Variants in EMILIN2 observed in about 807,000 individuals in gnomAD.
EMILIN2 encodes the protein elastin microfibril interfacer 2.
EMILIN2 carries 71 observed loss-of-function variants against 87.1 expected under a neutral mutation model. The ratio of observed to expected loss-of-function variants is 0.82; its 90% CI spans 0.67 to 0.99. The LOEUF is 0.99. EMILIN2 is among the 50% of genes least tolerant of loss of function. EMILIN2 has a pLI of 0.00. For synonymous variants in EMILIN2, 581 were observed against 563.4 expected, an observed-to-expected ratio of 1.03 and a Z score of -0.44; for missense variants, 1,407 against 1,371.8, an observed-to-expected ratio of 1.03 and a Z score of -0.40.
Position 2,851,149 on chromosome 18 carries a change from A to C in EMILIN2, c.257+3218A>C, listed in dbSNP as rs79067076. 6.8e-4 allele frequency among the ~76,000 whole-genome samples: 103 copies of C among 151,086 alleles called. 3 individuals are homozygous for C. The East Asian group carries it at 0.019, about 29-fold the overall frequency. The stretch of plus-strand genomic sequence containing the variant: ...AGCAGGTAAAGAATTACTTAGAGAG[A>C]GATCGGGGCCAGGCAGGATGGCTCT... On this transcript the variant is annotated intron_variant, in intron 2 of 7. Coordinates refer to ENST00000254528, the MANE Select transcript of EMILIN2 (RefSeq NM_032048.3).
chr18:2,906,892 GC>G lies in EMILIN2; in HGVS notation c.2472del (p.Val825SerfsTer71). The G allele has an allele frequency of 7.2e-7, 1 of 1,388,310 alleles. No homozygotes were observed. Among genetic ancestry groups the G allele is most frequent in the Non-Finnish European group, 9.4e-7 (1 of 1,069,130 alleles). 86.0% of individuals were successfully genotyped at this position (1,388,310 alleles called of 1,614,324 possible). A position where few individuals can be genotyped will look rare whatever the true frequency, so the allele number is the denominator to read the frequency against. On this transcript the variant is annotated frameshift_variant, in exon 5 of 8. Coordinates refer to ENST00000254528, the MANE Select transcript of EMILIN2 (RefSeq NM_032048.3). LOFTEE classifies it high-confidence loss of function. Reference sequence around the variant, plus strand: ...CAACCGCAGAGGACCCTGGGCGACGGCCCGTCCTGCCCCAGCGGCCCCCCGA... The same window carrying G: ...CAACCGCAGAGGACCCTGGGCGACGGCCGTCCTGCCCCAGCGGCCCCCCGA... ...PATAEDPGRR[P>X]VLPQRPPEER...
intron 2 of EMILIN2, among the ~76,000 whole-genome samples, chr18:2,874,552 T>A (rs2076738081): frequency 6.6e-6 from 1 of 152,278 alleles, no homozygotes; most frequent in South Asian, 2.1e-4. Context: ...CTCTGGCACT[T>A]TTTTCCAGAA....
chr18:2,862,800 C>T (rs2076667722), intron 2 of EMILIN2, among the ~76,000 whole-genome samples: 1 of 152,158 alleles, frequency 6.6e-6, no homozygotes. Context: ...GGAATGGTAC[C>T]AGCTCCTCCT....
intron 2 of EMILIN2, among the ~76,000 whole-genome samples, chr18:2,861,096 CT>C (rs2076658912): frequency 6.6e-6 from 1 of 150,792 alleles, no homozygotes; most frequent in South Asian, 2.1e-4. Flanking sequence ...TGTTTTTTTT[CT>C]TGTAAATTTG....
At chr18:2,884,160 G>T (rs1391978781) in intron 2 of EMILIN2, among the ~76,000 whole-genome samples, 2 of 152,174 alleles carry the variant, frequency 1.3e-5, no homozygotes, top group Non-Finnish European at 2.9e-5. Flanking sequence ...GTTTCACCGT[G>T]TTAGCCAGGA....
chr18:2,892,462 C>T lies in EMILIN2; in HGVS notation c.2335C>T (p.Leu779=). ...CCAGATTTCTACTGATTTGCAAGAT[C>T]TGGTCAAATTTCAGCCATCAGCAAG... ...VFQISTDLQD[L]VKFQPSAKAP... Residue 779 remains leucine (L), a synonymous_variant, in exon 4 of 8, where the codon CTG becomes TTG. Coordinates refer to ENST00000254528, the MANE Select transcript of EMILIN2 (RefSeq NM_032048.3). The T allele has an allele frequency of 3.8e-6, 6 of 1,599,348 alleles. No individual in the cohort carries two copies. Among genetic ancestry groups the T allele is most frequent in the Non-Finnish European group, 5.1e-6 (6 of 1,169,688 alleles).
chr18:2,913,061 C>T lies in EMILIN2; in HGVS notation c.2825-6C>T. 4 of 1,607,100 alleles carry T rather than the reference C, an allele frequency of 2.5e-6. No homozygotes were observed. The highest frequency in any genetic ancestry group is 3.4e-6 in the Non-Finnish European group (4 of 1,179,908). On this transcript the variant is annotated splice_polypyrimidine_tract_variant and splice_region_variant and intron_variant, in intron 7 of 7. Coordinates refer to ENST00000254528, the MANE Select transcript of EMILIN2 (RefSeq NM_032048.3). ...GTGAGCACAGGGTTTGCCTTTCTCC[C>T]CGCAGGGGTCTTCACGGCTCCTTAT...
At chr18:2,877,583 C>T (rs1349683795) in intron 2 of EMILIN2, among the ~76,000 whole-genome samples, 1 of 151,868 alleles carries the variant, frequency 6.6e-6, no homozygotes, top group East Asian at 1.9e-4. Context: ...TTGAGACCAG[C>T]CTGACCAACA....
intron 3 of EMILIN2, among the ~76,000 whole-genome samples, chr18:2,889,838 T>C (rs1026711945): frequency 4.6e-5 from 7 of 152,260 alleles, no homozygotes; most frequent in Non-Finnish European, 7.4e-5. Context: ...GCTTTCAATA[T>C]TTGCATTCTT....
At chr18:2,909,350 C>A (rs917671861) in intron 6 of EMILIN2, among the ~76,000 whole-genome samples, 1 of 152,232 alleles carries the variant, frequency 6.6e-6, no homozygotes, top group Non-Finnish European at 1.5e-5. Flanking sequence ...TGATGATGCA[C>A]CCACTGCCTG....
At position 2,891,251 on chromosome 18, in the gene EMILIN2, G is replaced by A; in HGVS notation, c.1124G>A (p.Ser375Asn). ...VIELIGEKET[S>N]LRKEINNLRA... ...GAGCTCATAGGGGAGAAGGAAACAA[G>A]CCTGAGAAAAGAAATAAATAACCTC... Residue 375 changes from serine to asparagine, a missense_variant, in exon 4 of 8, where the codon AGC (serine) becomes AAC (asparagine). Ser to Asn is a conservative substitution (Grantham distance 46). Coordinates refer to ENST00000254528, the MANE Select transcript of EMILIN2 (RefSeq NM_032048.3). The surrounding 1 kb of genome is among the most constrained non-coding windows in gnomAD (Gnocchi z 4.6). The A allele has an allele frequency of 6.2e-7, 1 of 1,614,184 alleles. No homozygotes were observed. The highest frequency in any genetic ancestry group is 8.5e-7 in the Non-Finnish European group (1 of 1,180,048).
intron 4 of EMILIN2, among the ~76,000 whole-genome samples, chr18:2,899,210 A>C (rs755849012): frequency 1.9e-4 from 29 of 152,182 alleles, no homozygotes; most frequent in Non-Finnish European, 3.4e-4. Context: ...CTAGTCCTGG[A>C]AATTGAAGGC....
intron 4 of EMILIN2, among the ~76,000 whole-genome samples, chr18:2,906,031 C>T (rs2076910164): frequency 6.6e-6 from 1 of 152,168 alleles, no homozygotes; most frequent in Non-Finnish European, 1.5e-5. Flanking sequence ...GAACTCTGGG[C>T]ATCGTGGGCA....
chr18:2,852,126 T>C lies in EMILIN2; in HGVS notation c.257+4195T>C, dbSNP rs563485150. Among the ~76,000 whole-genome samples, 10 of 152,370 alleles carry C rather than the reference T, an allele frequency of 6.6e-5. No homozygotes were observed. The South Asian group carries it at 1.4e-3, about 22-fold the overall frequency. ...TCTTTCATAAAAGGCAATTCTCATA[T>C]AGAAGTGTTGAGAATGCATTTCTGT... On this transcript the variant is annotated intron_variant, in intron 2 of 7. Transcript: ENST00000254528.
chr18:2,858,605 G>GTGTGTATA (rs1555665480), intron 2 of EMILIN2, among the ~76,000 whole-genome samples: 2 of 86,200 alleles, frequency 2.3e-5, no homozygotes, highest in African/African-American at 1.5e-4. Context: ...ATATATATGT[G>GTGTGTATA]TATATATATA....
intron 2 of EMILIN2, among the ~76,000 whole-genome samples, chr18:2,858,554 T>C (rs2076640962): frequency 1.4e-5 from 1 of 73,988 alleles, no homozygotes; most frequent in African/African-American, 1.0e-4. Context: ...TATATATATA[T>C]ATATATATAT....
intron 5 of EMILIN2, 35 bp downstream of exon 5, chr18:2,907,120 G>T (rs2076918232): frequency 2.4e-6 from 3 of 1,230,602 alleles, no homozygotes; most frequent in East Asian, 6.4e-5. Flanking sequence ...GGAGCGCGGG[G>T]CTCTCCCGGA....
At chr18:2,859,482 T>G (rs2076650006) in intron 2 of EMILIN2, among the ~76,000 whole-genome samples, 1 of 152,226 alleles carries the variant, frequency 6.6e-6, no homozygotes, top group African/African-American at 2.4e-5. Context: ...CTTTGTCAGA[T>G]GTATAGACTG....
chr18:2,890,901 C>T lies in EMILIN2; in HGVS notation c.774C>T (p.Gly258=), dbSNP rs762834720. 1 of 1,613,888 alleles carries T rather than the reference C, an allele frequency of 6.2e-7. No individual in the cohort carries two copies. Among genetic ancestry groups the T allele is most frequent in the East Asian group, 2.2e-5 (1 of 44,892 alleles). The change falls in exon 4 of 8, where the codon GGC becomes GGT. Residue 258 remains glycine (G), a synonymous_variant. Coordinates refer to ENST00000254528, the MANE Select transcript of EMILIN2 (RefSeq NM_032048.3). The surrounding 1 kb of genome is among the most constrained non-coding windows in gnomAD (Gnocchi z 4.7). The part of the protein sequence containing the change: ...SPGVFNTKES[G]MKDIKSELAE... Reference sequence around the variant, plus strand: ...GTGTCTTCAACACTAAGGAATCTGGCATGAAGGACATCAAGTCTGAATTGG... The same window carrying T: ...GTGTCTTCAACACTAAGGAATCTGGTATGAAGGACATCAAGTCTGAATTGG...
Sources: gnomAD v4.1 joint callset for allele counts (sites outside exome capture counted in the v4.1 genomes callset) on GRCh38, gnomAD v4.1.1 for gene constraint, Gnocchi (gnomAD v3.1) non-coding constraint, MANE v1.5 for transcripts, NCBI Gene and HGNC (gene_info 2026-07-23, HGNC 2026-07-21) for gene names.